Variants in RBM14 observed in about 807,000 individuals in gnomAD.
RBM14 encodes the protein RNA-binding protein 14.
Under a neutral mutation model 52.8 loss-of-function variants are expected in RBM14, and 5 were observed. That is an observed-to-expected ratio of 0.09 (90% CI 0.05 to 0.20). The LOEUF (loss-of-function observed/expected upper bound fraction) is 0.20, where lower values mean the gene tolerates loss of function less well. Ranked by LOEUF, RBM14 falls within the 10% of genes least tolerant of loss-of-function variation. The pLI, the probability that RBM14 is intolerant of heterozygous loss-of-function variation, is 1.00. For missense variants in RBM14, 780 were observed against 926.6 expected, an observed-to-expected ratio of 0.84 and a Z score of 2.05; for synonymous variants, 411 against 401.8, an observed-to-expected ratio of 1.02 and a Z score of -0.28.
rs777082062 is a variant in RBM14, at chr11:66,626,689, C to T, written c.*21C>T. 13 of 1,578,726 alleles carry T rather than the reference C, an allele frequency of 8.2e-6. No individual in the cohort carries two copies. In the East Asian group the frequency reaches 2.0e-4, roughly 25 times the overall value. ...TGTAGGGCCATCCTGGGATGGGGCA[C>T]CACAGGGAGGGAGGGAGAAAAGAGG... On this transcript the variant is annotated 3_prime_UTR_variant, in exon 3 of 3. Coordinates refer to ENST00000310137, the MANE Select transcript of RBM14 (RefSeq NM_006328.4).
chr11:66,625,025 C>T lies in RBM14; in HGVS notation c.1149C>T (p.Ser383=), dbSNP rs772129147. Residue 383 remains serine (S), a synonymous_variant, in exon 2 of 3, where the codon TCC becomes TCT. Transcript: ENST00000310137. The surrounding 1 kb of genome is among the most constrained non-coding windows in gnomAD (Gnocchi z 4.2). Reference sequence around the variant, plus strand: ...GCTCCTACGGGGCTCAGGCAGCCTCCTATGGGGCCCAGTCTGCAGCCTCCT... The same window carrying T: ...GCTCCTACGGGGCTCAGGCAGCCTCTTATGGGGCCCAGTCTGCAGCCTCCT... The part of the protein sequence containing the change: ...SLGSYGAQAA[S]YGAQSAASSL... 2 of 1,613,814 alleles carry T rather than the reference C, an allele frequency of 1.2e-6. No individual in the cohort carries two copies. Among genetic ancestry groups the T allele is most frequent in the South Asian group, 2.2e-5 (2 of 91,076 alleles).
At chr11:66,617,371 G>A in intron 1 of RBM14, 1 of 1,186,448 alleles carries the variant, frequency 8.4e-7, no homozygotes, top group Non-Finnish European at 1.0e-6. Context: ...TCCTGGGCCT[G>A]GCACCCAGCG....
chr11:66,629,922 AAG>A lies in RBM14; in HGVS notation c.*3256_*3257del, dbSNP rs1491040783. 6.0e-5 allele frequency among the ~76,000 whole-genome samples: 9 copies of A among 150,752 alleles called. No individual in the cohort carries two copies. Among genetic ancestry groups the A allele is most frequent in the Non-Finnish European group, 1.0e-4 (7 of 67,654 alleles). On this transcript the variant is annotated 3_prime_UTR_variant, in exon 3 of 3. Transcript: ENST00000310137. ...TGAGACCTTGTCTCTACCAAAAGAA[AAG>A]AAAAAAAAAAGCCAGCTGTGGTGGC...
chr11:66,623,401 G>A (rs1419736243), intron 1 of RBM14, among the ~76,000 whole-genome samples: 1 of 152,184 alleles, frequency 6.6e-6, no homozygotes, highest in Non-Finnish European at 1.5e-5. Context: ...ATATTACACA[G>A]TCCTGCCTTA....
intron 1 of RBM14, chr11:66,618,945 G>A (rs886987323): frequency 3.0e-5 from 6 of 201,372 alleles, no homozygotes; most frequent in Non-Finnish European, 6.0e-5. Flanking sequence ...TGTGCATCTT[G>A]TTCCTTTGTA....
In RBM14 at chr11:66,629,852, G is replaced by T. The variant is rs906322092; in HGVS notation, c.*3184G>T. Among the ~76,000 whole-genome samples the T allele has an allele frequency of 6.6e-6, 1 of 152,042 alleles. No individual in the cohort carries two copies. ...AGCGCTTTGGGAATTTGAGGCAAGA[G>T]GATTGCTAGAGGCCAGGATTTTGAG... On this transcript the variant is annotated 3_prime_UTR_variant, in exon 3 of 3. Transcript: ENST00000310137.
rs375818385 is a variant in RBM14, at chr11:66,625,397, A to G, written c.1521A>G (p.Gln507=). The G allele has an allele frequency of 6.2e-6, 10 of 1,613,350 alleles. No homozygotes were observed. In the African/African-American group the frequency reaches 9.3e-5, roughly 15 times the overall value. ...SYGAAAAYGA[Q]PSATLAAPYR... ...GTGCCGCAGCAGCCTACGGGGCCCA[A>G]CCTTCTGCCACCCTGGCAGCTCCTT... The change falls in exon 2 of 3, where the codon CAA becomes CAG. Residue 507 remains glutamine (Q), a synonymous_variant. Transcript: ENST00000310137. The surrounding 1 kb of genome is among the most constrained non-coding windows in gnomAD (Gnocchi z 4.2).
chr11:66,625,417 C>G lies in RBM14; in HGVS notation c.1541C>G (p.Ala514Gly). The change falls in exon 2 of 3, where the codon GCT becomes GGT. Residue 514 changes from alanine to glycine, a missense_variant. Physicochemically the swap from Ala to Gly is moderately conservative, Grantham distance 60. Around this residue, in one of 4 missense-constraint regions of RBM14, gnomAD observed 675 missense variants for 697.3 expected, o/e 0.97. Transcript: ENST00000310137. The surrounding 1 kb of genome is among the most constrained non-coding windows in gnomAD (Gnocchi z 4.2). ...GCCCAACCTTCTGCCACCCTGGCAG[C>G]TCCTTACCGCACTCAGTCATCAGCC... ...YGAQPSATLA[A>G]PYRTQSSASL... 2 of 1,613,722 alleles carry G rather than the reference C, an allele frequency of 1.2e-6. No individual in the cohort carries two copies. Among genetic ancestry groups the G allele is most frequent in the Non-Finnish European group, 1.7e-6 (2 of 1,179,954 alleles).
Position 66,625,888 on chromosome 11 carries a change from A to C in RBM14, c.1802+210A>C, listed in dbSNP as rs1158139220. 6.6e-6 allele frequency among the ~76,000 whole-genome samples: 1 copy of C among 152,180 alleles called. No individual in the cohort carries two copies. Among genetic ancestry groups the C allele is most frequent in the Non-Finnish European group, 1.5e-5 (1 of 68,030 alleles). ...AGCATAGTGCTCAGCCTGGGGTGGTACCTGCTAGTCAGGCCAGGCACAGTG... is the reference window on the plus strand; with the variant it reads ...AGCATAGTGCTCAGCCTGGGGTGGTCCCTGCTAGTCAGGCCAGGCACAGTG... On this transcript the variant is annotated intron_variant, in intron 2 of 2. Transcript: ENST00000310137. This position sits in a 1 kb window ranked among gnomAD's most constrained non-coding sequence, Gnocchi z 4.2.
In RBM14 at chr11:66,624,099, G is replaced by T; in HGVS notation, c.338-115G>T. ...ACATACTCCTGGAGAGGAGGGTTTG[G>T]AGGCCTTGGAGGTAGCTGGCAACAG... On this transcript the variant is annotated intron_variant, in intron 1 of 2. Transcript: ENST00000310137. The surrounding 1 kb of genome is among the most constrained non-coding windows in gnomAD (Gnocchi z 4.7). 1.3e-6 allele frequency: 2 copies of T among 1,522,026 alleles called. No homozygotes were observed. The highest frequency in any genetic ancestry group is 1.8e-6 in the Non-Finnish European group (2 of 1,125,462). 94.3% of individuals were successfully genotyped at this position (1,522,026 alleles called of 1,614,324 possible).
rs1053159809 is a variant in RBM14 at position 66,629,763 on chromosome 11, A to G, written c.*3095A>G. ...AACTGGGTTTTATGTCTAGATTTAAATCATGTATCTGTCTGTAGTGCTTCA... is the reference window on the plus strand; with the variant it reads ...AACTGGGTTTTATGTCTAGATTTAAGTCATGTATCTGTCTGTAGTGCTTCA... On this transcript the variant is annotated 3_prime_UTR_variant, in exon 3 of 3. Transcript: ENST00000310137. Among the ~76,000 whole-genome samples the G allele has an allele frequency of 1.3e-5, 2 of 152,118 alleles. No homozygotes were observed. The highest frequency in any genetic ancestry group is 2.9e-5 in the Non-Finnish European group (2 of 68,022).
In RBM14 at chr11:66,625,363, G is replaced by T; in HGVS notation, c.1487G>T (p.Gly496Val). 1.2e-6 allele frequency: 2 copies of T among 1,606,654 alleles called. No homozygotes were observed. The highest frequency in any genetic ancestry group is 1.7e-6 in the Non-Finnish European group (2 of 1,177,872). The change falls in exon 2 of 3, where the codon GGC (glycine) becomes GTC (valine). Residue 496 changes from glycine to valine, a missense_variant. Transcript: ENST00000310137. This position sits in a 1 kb window ranked among gnomAD's most constrained non-coding sequence, Gnocchi z 4.2. ...GCTCAGTCGGCTGCTGCGGCCACTG[G>T]CTCCTATGGTGCCGCAGCAGCCTAC... ...YGAQSAAAAT[G>V]SYGAAAAYGA...
Position 66,626,581 on chromosome 11 carries a change from C to T in RBM14, c.1923C>T (p.Ala641=). 6.2e-7 allele frequency: 1 copy of T among 1,613,984 alleles called. No individual in the cohort carries two copies. The highest frequency in any genetic ancestry group is 8.5e-7 in the Non-Finnish European group (1 of 1,180,032). Residue 641 remains alanine (A), a synonymous_variant, in exon 3 of 3, where the codon GCC becomes GCT. Coordinates refer to ENST00000310137, the MANE Select transcript of RBM14 (RefSeq NM_006328.4). ...TGGATTACCGTCGCCTGCCCGATGC[C>T]CATTCCGATTACGCACGCTATTCGG... The part of the protein sequence containing the change: ...SSLDYRRLPD[A]HSDYARYSGS...
chr11:66,616,686 T>TC lies in RBM14; in HGVS notation c.-33dup, dbSNP rs1278094690. On this transcript the variant is annotated 5_prime_UTR_variant, in exon 1 of 3. Transcript: ENST00000310137. ...GTCTTGCCTGTCGCTGGAGGAGAGG[T>TC]CCGGGCTCTCCAGGAAGGTGGCTGC... 4.5e-6 allele frequency: 7 copies of TC among 1,557,600 alleles called. No individual in the cohort carries two copies. The highest frequency in any genetic ancestry group is 6.1e-6 in the Non-Finnish European group (7 of 1,145,996).
chr11:66,620,774 C>T (rs1859070293), intron 1 of RBM14: 1 of 152,096 alleles, frequency 6.6e-6, no homozygotes, highest in African/African-American at 2.4e-5. Context: ...AAGTTTTTGT[C>T]TCATTCTAGT....
rs1937778912 is a variant in RBM14 at position 66,625,872 on chromosome 11, C to T, written c.1802+194C>T. 2 of 587,650 alleles carry T rather than the reference C, an allele frequency of 3.4e-6. No individual in the cohort carries two copies. The highest frequency in any genetic ancestry group is 3.0e-6 in the Non-Finnish European group (1 of 335,494). 36.4% of individuals were successfully genotyped at this position (587,650 alleles called of 1,614,324 possible). On this transcript the variant is annotated intron_variant, in intron 2 of 2. Coordinates refer to ENST00000310137, the MANE Select transcript of RBM14 (RefSeq NM_006328.4). This position sits in a 1 kb window ranked among gnomAD's most constrained non-coding sequence, Gnocchi z 4.2. ...ACCAGGGTTCAGGTGGAGCATAGTG[C>T]TCAGCCTGGGGTGGTACCTGCTAGT...
At chr11:66,619,747 T>C (rs573361123) in intron 1 of RBM14, among the ~76,000 whole-genome samples, 1 of 152,228 alleles carries the variant, frequency 6.6e-6, no homozygotes, top group South Asian at 2.1e-4. Flanking sequence ...TTTGTATTTT[T>C]AGTAGAGACG....
At chr11:66,621,816 T>C (rs2135013287) in intron 1 of RBM14, among the ~76,000 whole-genome samples, 1 of 152,342 alleles carries the variant, frequency 6.6e-6, no homozygotes, top group South Asian at 2.1e-4. Flanking sequence ...CCTTATTCTG[T>C]AGCTGTTCAT....
In RBM14 at chr11:66,616,645, T is replaced by A; in HGVS notation, c.-76T>A. The A allele has an allele frequency of 6.7e-7, 1 of 1,485,798 alleles. No individual in the cohort carries two copies. Among genetic ancestry groups the A allele is most frequent in the Non-Finnish European group, 9.0e-7 (1 of 1,114,956 alleles). The allele number at this position is 1,485,798 out of a possible 1,614,324, so 92.0% of individuals were successfully genotyped here. ...GTCGCCAGCCATTCCTGAGGAGGAC[T>A]GCCGGTCGTTCGGACGTCTTGCCTG... On this transcript the variant is annotated 5_prime_UTR_variant, in exon 1 of 3. Coordinates refer to ENST00000310137, the MANE Select transcript of RBM14 (RefSeq NM_006328.4).
Sources: gnomAD v4.1 joint callset for allele counts (sites outside exome capture counted in the v4.1 genomes callset) on GRCh38, gnomAD v4.1.1 for gene constraint, gnomAD v4.1.1 regional missense constraint, Gnocchi (gnomAD v3.1) non-coding constraint, MANE v1.5 for transcripts, NCBI Gene and HGNC (gene_info 2026-07-23, HGNC 2026-07-21) for gene names.